GFRA4: variants seen among roughly 807,000 people sequenced by gnomAD.
GFRA4 encodes the protein GDNF family receptor alpha-4.
In GFRA4, 31 loss-of-function variants were observed where a neutral mutation model predicts 28.5. The ratio of observed to expected loss-of-function variants is 1.09; its 90% confidence interval spans 0.82 to 1.47. The LOEUF is 1.47. GFRA4 is among the 40% of genes most tolerant of loss of function. GFRA4 has a pLI of 0.00. For synonymous variants in GFRA4, 188 were observed against 188.0 expected (o/e 1.00, Z 0.00); for missense variants, 389 against 413.2 (o/e 0.94, Z 0.51).
intron 1 of GFRA4, among the ~76,000 whole-genome samples, chr20:3,661,994 G>A (rs747677744): frequency 9.2e-5 from 14 of 152,174 alleles, no homozygotes; most frequent in Non-Finnish European, 1.9e-4. Context: ...AGGGGAGAGC[G>A]GATTCATGCA....
chr20:3,660,055 C>A, intron 5 of GFRA4, 66 bp from the exon 6 acceptor site: 7 of 1,511,820 alleles, frequency 4.6e-6, no homozygotes, highest in African/African-American at 1.4e-5. Context: ...CCTGCACCCC[C>A]ACCCCAGGCC....
At chr20:3,663,248 C>G in intron 1 of GFRA4, 106 bp downstream of exon 1, 1 of 1,387,192 alleles carries the variant, frequency 7.2e-7, no homozygotes, top group Non-Finnish European at 1.0e-6. Flanking sequence ...GCAACCCTTC[C>G]TGTGGTTCAG....
At chr20:3,663,332 A>G (rs753873861) in intron 1 of GFRA4, 22 bp downstream of exon 1, 36 of 1,607,152 alleles carry the variant, frequency 2.2e-5, no homozygotes, top group Non-Finnish European at 3.0e-5. Flanking sequence ...TTCGGGGTCC[A>G]GGGGAAGAGA....
At chr20:3,661,733 C>T (rs1017656293) in intron 1 of GFRA4, among the ~76,000 whole-genome samples, 3 of 152,198 alleles carry the variant, frequency 2.0e-5, no homozygotes, top group Non-Finnish European at 2.9e-5. Context: ...CTCCTAGTCT[C>T]TTAATGACAG....
In GFRA4 at chr20:3,659,892, C is replaced by A. The variant is rs776404687; in HGVS notation, c.*17G>T. The A allele has an allele frequency of 6.3e-7, 1 of 1,580,440 alleles. No homozygotes were observed. The highest frequency in any genetic ancestry group is 1.2e-5 in the South Asian group (1 of 86,098). ...GGGTGGAGTAGCTGGCTGTGCTATC[C>A]GAGGTCGCTGTCCTAATCAGAGCAG... On this transcript the variant is annotated 3_prime_UTR_variant, in exon 6 of 6. Coordinates refer to ENST00000290417, the MANE Select transcript of GFRA4 (RefSeq NM_022139.4).
At position 3,660,357 on chromosome 20, in the gene GFRA4, CAGA is replaced by C. The variant is rs1332147883; in HGVS notation, c.638-111_638-109del. The C allele has an allele frequency of 1.4e-5, 15 of 1,101,022 alleles. No individual in the cohort carries two copies. The African/African-American group carries it at 2.4e-4, about 17-fold the overall frequency. 68.2% of individuals were successfully genotyped at this position (1,101,022 alleles called of 1,614,324 possible). ...CTGCTGCAAAGACTGGCTCCTTGGACAGAAGGTGTGTGGTGAGGAATAACAAAA... is the reference window on the plus strand; with the variant it reads ...CTGCTGCAAAGACTGGCTCCTTGGACAGGTGTGTGGTGAGGAATAACAAAA... On this transcript the variant is annotated intron_variant, in intron 4 of 5. Coordinates refer to ENST00000290417, the MANE Select transcript of GFRA4 (RefSeq NM_022139.4).
In GFRA4 at chr20:3,660,801, C is replaced by T. The variant is rs1395020638; in HGVS notation, c.456G>A (p.Leu152=). The change falls in exon 3 of 6, where the codon CTG becomes CTA. Residue 152 remains leucine (L), a synonymous_variant. Coordinates refer to ENST00000290417, the MANE Select transcript of GFRA4 (RefSeq NM_022139.4). ...GCAGGCAGCGGGCGCCCTGGTCCAG[C>T]AGGCAGCCGTCGGGGGCGCTGGGCG... ...TPAPSAPDGC[L]LDQGARCLRA... 7.1e-7 allele frequency: 1 copy of T among 1,415,260 alleles called. No individual in the cohort carries two copies. 87.7% of individuals were successfully genotyped at this position (1,415,260 alleles called of 1,614,324 possible). A position where few individuals can be genotyped will look rare whatever the true frequency, so the allele number is the denominator to read the frequency against.
At position 3,661,112 on chromosome 20, in the gene GFRA4, C is replaced by G; in HGVS notation, c.224G>C (p.Gly75Ala). The part of the protein sequence containing the change: ...RRALRRFFAR[G>A]PPALTHALLF... ...CAGTGCGTGGGTGAGCGCGGGCGGC[C>G]CGCGGGCGAAGAAGCGGCGCAGGGC... The change falls in exon 2 of 6, where the codon GGG (glycine) becomes GCG (alanine). Residue 75 changes from glycine (G) to alanine (A), a missense_variant. Physicochemically the swap from Gly to Ala is moderately conservative, Grantham distance 60. Transcript: ENST00000290417. 7.6e-7 allele frequency: 1 copy of G among 1,310,558 alleles called. No homozygotes were observed. The allele number at this position is 1,310,558 out of a possible 1,614,324, so 81.2% of individuals were successfully genotyped here. A position where few individuals can be genotyped will look rare whatever the true frequency, so the allele number is the denominator to read the frequency against.
chr20:3,659,854 G>A lies in GFRA4; in HGVS notation c.*55C>T. The A allele has an allele frequency of 6.6e-7, 1 of 1,515,418 alleles. No homozygotes were observed. 93.9% of individuals were successfully genotyped at this position (1,515,418 alleles called of 1,614,324 possible). On this transcript the variant is annotated 3_prime_UTR_variant, in exon 6 of 6. Transcript: ENST00000290417. ...AAGGGGCCAGTAGGCCACAGAGGCG[G>A]CCCAGGCAGGCAGGGTGGAGTAGCT...
At position 3,659,872 on chromosome 20, in the gene GFRA4, G is replaced by T; in HGVS notation, c.*37C>A. ...AGAGGCGGCCCAGGCAGGCAGGGTG[G>T]AGTAGCTGGCTGTGCTATCCGAGGT... On this transcript the variant is annotated 3_prime_UTR_variant, in exon 6 of 6. Coordinates refer to ENST00000290417, the MANE Select transcript of GFRA4 (RefSeq NM_022139.4). The T allele has an allele frequency of 6.4e-7, 1 of 1,553,298 alleles. No homozygotes were observed. Among genetic ancestry groups the T allele is most frequent in the Non-Finnish European group, 8.7e-7 (1 of 1,144,608 alleles).
chr20:3,661,098 T>C lies in GFRA4; in HGVS notation c.238A>G (p.Thr80Ala). ...CACGGGCAGAAGAGCAGTGCGTGGG[T>C]GAGCGCGGGCGGCCCGCGGGCGAAG... ...RFFARGPPAL[T>A]HALLFCPCAG... Residue 80 changes from threonine to alanine, a missense_variant, in exon 2 of 6, where the codon ACC (threonine) becomes GCC (alanine). By Grantham distance (58) the Thr-to-Ala change is moderately conservative. Transcript: ENST00000290417. The C allele has an allele frequency of 7.6e-7, 1 of 1,322,672 alleles. No individual in the cohort carries two copies. Among genetic ancestry groups the C allele is most frequent in the Non-Finnish European group, 9.6e-7 (1 of 1,044,876 alleles). The allele number at this position is 1,322,672 out of a possible 1,614,324, so 81.9% of individuals were successfully genotyped here. A position where few individuals can be genotyped will look rare whatever the true frequency, so the allele number is the denominator to read the frequency against.
chr20:3,659,906 T>C lies in GFRA4; in HGVS notation c.*3A>G. ...GCTGTGCTATCCGAGGTCGCTGTCC[T>C]AATCAGAGCAGGGCCGGGAGAGCCA... is the stretch of plus-strand genomic sequence containing the variant. On this transcript the variant is annotated 3_prime_UTR_variant, in exon 6 of 6. Coordinates refer to ENST00000290417, the MANE Select transcript of GFRA4 (RefSeq NM_022139.4). The C allele has an allele frequency of 1.3e-6, 2 of 1,591,288 alleles. No individual in the cohort carries two copies. The highest frequency in any genetic ancestry group is 8.5e-7 in the Non-Finnish European group (1 of 1,169,986).
Position 3,660,986 on chromosome 20 carries a change from C to G in GFRA4, c.350G>C (p.Cys117Ser). 1 of 1,456,786 alleles carries G rather than the reference C, an allele frequency of 6.9e-7. No homozygotes were observed. Among genetic ancestry groups the G allele is most frequent in the Non-Finnish European group, 9.0e-7 (1 of 1,111,718 alleles). The allele number at this position is 1,456,786 out of a possible 1,614,324, so 90.2% of individuals were successfully genotyped here. A position where few individuals can be genotyped will look rare whatever the true frequency, so the allele number is the denominator to read the frequency against. Reference protein sequence around the residue: ...FSGPGPAPPSCLEPLNFCERS... With the variant: ...FSGPGPAPPSSLEPLNFCERS... ...CTCGCAGAAGTTTAAGGGCTCAAGG[C>G]AGGAGGGCGGCGCGGGGCCGGGCCC... The change falls in exon 2 of 6, where the codon TGC becomes TCC. Residue 117 changes from cysteine to serine, a missense_variant. Physicochemically the swap from Cys to Ser is moderately radical, Grantham distance 112. Coordinates refer to ENST00000290417, the MANE Select transcript of GFRA4 (RefSeq NM_022139.4).
chr20:3,662,580 C>T (rs2087235033), intron 1 of GFRA4, among the ~76,000 whole-genome samples: 1 of 152,204 alleles, frequency 6.6e-6, no homozygotes. Context: ...CCTGCTGTGA[C>T]TTCAGCACCT....
chr20:3,660,280 G>A (rs779680487), intron 4 of GFRA4, 31 bp from the exon 5 acceptor site: 2 of 1,552,908 alleles, frequency 1.3e-6, no homozygotes, highest in South Asian at 2.3e-5. Context: ...GGTGGACTTA[G>A]CTGGGAAACC....
In GFRA4 at chr20:3,663,325, G is replaced by A. The variant is rs760577195; in HGVS notation, c.46+29C>T. ...AGCAGGGACAGAGAGGCCAGGGTTC[G>A]GGGTCCAGGGGAAGAGAGGGGCGCT... On this transcript the variant is annotated intron_variant, in intron 1 of 5. Transcript: ENST00000290417. The A allele has an allele frequency of 1.7e-5, 28 of 1,605,016 alleles. No individual in the cohort carries two copies. In the Admixed American group the frequency reaches 2.2e-4, roughly 13 times the overall value.
chr20:3,660,632 G>A lies in GFRA4; in HGVS notation c.531C>T (p.Asp177=). The change falls in exon 4 of 6, where the codon GAC becomes GAT. Residue 177 remains aspartate, a synonymous_variant. Transcript: ENST00000290417. ...VGTAVTPNYV[D]NVSARVAPWC... ...AGGGCGCCACGCGCGCGCTCACGTTGTCCACGTAGTTAGGGGTGACGGCGG... is the reference window on the plus strand; with the variant it reads ...AGGGCGCCACGCGCGCGCTCACGTTATCCACGTAGTTAGGGGTGACGGCGG... 1 of 1,551,766 alleles carries A rather than the reference G, an allele frequency of 6.4e-7. No individual in the cohort carries two copies. Among genetic ancestry groups the A allele is most frequent in the Non-Finnish European group, 8.7e-7 (1 of 1,147,850 alleles).
intron 4 of GFRA4, 40 bp from the exon 5 acceptor site, chr20:3,660,289 C>T (rs1210731531): frequency 6.6e-7 from 1 of 1,520,300 alleles, no homozygotes; most frequent in Non-Finnish European, 9.0e-7. Flanking sequence ...AGCTGGGAAA[C>T]CCTAGCACAG....
At chr20:3,663,106 G>T (rs2087239993) in intron 1 of GFRA4, among the ~76,000 whole-genome samples, 1 of 152,254 alleles carries the variant, frequency 6.6e-6, no homozygotes, top group Middle Eastern at 3.4e-3. Context: ...AGTTCCTGGG[G>T]CACGGGTGCC....
Sources: gnomAD v4.1 joint callset for allele counts (sites outside exome capture counted in the v4.1 genomes callset) on GRCh38, gnomAD v4.1.1 for gene constraint, MANE v1.5 for transcripts, NCBI Gene and HGNC (gene_info 2026-07-23, HGNC 2026-07-21) for gene names.